FNIP2: variants seen among roughly 807,000 people sequenced by gnomAD.
FNIP2 encodes the protein folliculin interacting protein 2.
In FNIP2, 32 loss-of-function variants were observed where a neutral mutation model predicts 108.7. The ratio of observed to expected loss-of-function variants is 0.29; its 90% CI spans 0.22 to 0.40. The LOEUF is 0.40. FNIP2 is among the 10% of genes least tolerant of loss of function. The pLI is 1.00. For synonymous variants in FNIP2, 480 were observed against 496.7 expected (o/e 0.97, Z 0.45); for missense variants, 1,202 against 1,381.6 (o/e 0.87, Z 2.06).
At chr4:158,837,181 C>G (rs1452463495) in intron 7 of FNIP2, among the ~76,000 whole-genome samples, 1 of 152,160 alleles carries the variant, frequency 6.6e-6, no homozygotes, top group Non-Finnish European at 1.5e-5. Flanking sequence ...TACCAGAAGT[C>G]GCAGAGTGGG....
intron 8 of FNIP2, among the ~76,000 whole-genome samples, chr4:158,856,705 A>G (rs1444556516): frequency 2.0e-5 from 3 of 152,182 alleles, no homozygotes; most frequent in Non-Finnish European, 4.4e-5. Context: ...TAACTCCAGC[A>G]TTGTTACTAA....
intron 2 of FNIP2, among the ~76,000 whole-genome samples, chr4:158,828,232 T>A (rs1204199278): frequency 6.6e-6 from 1 of 152,198 alleles, no homozygotes. Context: ...TAGCTCCTGT[T>A]TCAGGGTTTT....
rs980667154 is a variant in FNIP2 at position 158,902,980 on chromosome 4, C to T, written c.3267-1486C>T. 2.0e-5 allele frequency among the ~76,000 whole-genome samples: 3 copies of T among 152,170 alleles called. No homozygotes were observed. The South Asian group carries it at 6.2e-4, about 31-fold the overall frequency. On this transcript the variant is annotated intron_variant, in intron 16 of 16. Coordinates refer to ENST00000264433, the MANE Select transcript of FNIP2 (RefSeq NM_020840.3). ...CGGCTCCCTGGCTTCAGCCCCCTTT[C>T]CAGGGGAGTGAACCGTTCTGTCTCG...
intron 1 of FNIP2, among the ~76,000 whole-genome samples, chr4:158,821,181 T>C (rs1379216469): frequency 6.6e-6 from 1 of 152,240 alleles, no homozygotes; most frequent in East Asian, 1.9e-4. Flanking sequence ...TCTGTATAAG[T>C]CATTTTGCTT....
chr4:158,882,341 A>G (rs1251388436), intron 14 of FNIP2, among the ~76,000 whole-genome samples: 2 of 150,456 alleles, frequency 1.3e-5, no homozygotes, highest in South Asian at 4.2e-4. Flanking sequence ...GGTGAGGGGC[A>G]GCCCCCGTCC....
chr4:158,870,610 G>C, intron 14 of FNIP2, 141 bp downstream of exon 14: 1 of 1,050,798 alleles, frequency 9.5e-7, no homozygotes, highest in Non-Finnish European at 1.3e-6. Flanking sequence ...GAACCAGCTA[G>C]GGCTAGTGAG....
At chr4:158,837,145 C>T (rs1022366403) in intron 7 of FNIP2, among the ~76,000 whole-genome samples, 7 of 152,156 alleles carry the variant, frequency 4.6e-5, no homozygotes, top group East Asian at 1.9e-4. Context: ...GGTTGACTTT[C>T]CTGGCAAGAA....
intron 1 of FNIP2, among the ~76,000 whole-genome samples, chr4:158,794,413 C>T (rs1426458017): frequency 7.2e-5 from 11 of 152,168 alleles, no homozygotes; most frequent in African/African-American, 1.2e-4. Flanking sequence ...AAGTGAGCCT[C>T]GGCCTCCCAA....
chr4:158,772,926 A>G (rs187776270), intron 1 of FNIP2, among the ~76,000 whole-genome samples: 58 of 152,322 alleles, frequency 3.8e-4, no homozygotes, highest in African/African-American at 1.4e-3. Flanking sequence ...ATAAGCACAG[A>G]ATTAAGAACT....
intron 8 of FNIP2, among the ~76,000 whole-genome samples, chr4:158,857,778 A>AC (rs1270190174): frequency 2.3e-5 from 1 of 44,210 alleles, no homozygotes; most frequent in East Asian, 8.8e-4. Context: ...CTCCATCTCT[A>AC]CCAAAAAAAA....
intron 14 of FNIP2, among the ~76,000 whole-genome samples, chr4:158,891,143 T>G (rs954572230): frequency 1.3e-5 from 2 of 152,172 alleles, no homozygotes; most frequent in Admixed American, 1.3e-4. Context: ...ATATGTGCAT[T>G]GGCTTTGAGG....
intron 1 of FNIP2, among the ~76,000 whole-genome samples, chr4:158,801,171 T>A (rs1266295357): frequency 6.7e-6 from 1 of 150,334 alleles, no homozygotes; most frequent in East Asian, 1.9e-4. Context: ...GGACTGGGAG[T>A]GGAGGGCAGA....
chr4:158,896,534 C>A (rs997734469), intron 16 of FNIP2, among the ~76,000 whole-genome samples: 2 of 152,252 alleles, frequency 1.3e-5, no homozygotes, highest in Non-Finnish European at 2.9e-5. Flanking sequence ...GATGATGATT[C>A]CCCTCACTTG....
At chr4:158,881,522 T>C (rs1781627900) in intron 14 of FNIP2, among the ~76,000 whole-genome samples, 1 of 152,082 alleles carries the variant, frequency 6.6e-6, no homozygotes, top group Non-Finnish European at 1.5e-5. Context: ...ACTGTACTGC[T>C]GCCATCTCCG....
chr4:158,892,476 T>TC (rs1782344028), intron 15 of FNIP2, among the ~76,000 whole-genome samples: 1 of 151,680 alleles, frequency 6.6e-6, no homozygotes, highest in African/African-American at 2.4e-5. Context: ...TATCAGTAGC[T>TC]CCCCCCAGCC....
chr4:158,815,685 C>T (rs541810503), intron 1 of FNIP2, among the ~76,000 whole-genome samples: 1 of 152,262 alleles, frequency 6.6e-6, no homozygotes, highest in Admixed American at 6.5e-5. Context: ...CTTTCTACTC[C>T]AGAGTCAACT....
Position 158,810,182 on chromosome 4 carries a change from G to A in FNIP2, c.108-15734G>A, listed in dbSNP as rs186462245. ...GCAGGTTTGTAGGAATGGAAAGAAT[G>A]TTTCTCACTGCTGCTCCTGGAAACA... On this transcript the variant is annotated intron_variant, in intron 1 of 16. Coordinates refer to ENST00000264433, the MANE Select transcript of FNIP2 (RefSeq NM_020840.3). Among the ~76,000 whole-genome samples the A allele has an allele frequency of 8.5e-5, 13 of 152,310 alleles. No homozygotes were observed. In the South Asian group the frequency reaches 2.1e-3, roughly 24 times the overall value.
chr4:158,846,677 G>T (rs764825399), intron 7 of FNIP2, among the ~76,000 whole-genome samples: 12 of 152,122 alleles, frequency 7.9e-5, no homozygotes, highest in African/African-American at 2.7e-4. Flanking sequence ...CAAAATACAG[G>T]TTAACAAGAG....
At chr4:158,793,290 A>G (rs1776480886) in intron 1 of FNIP2, among the ~76,000 whole-genome samples, 1 of 152,200 alleles carries the variant, frequency 6.6e-6, no homozygotes, top group South Asian at 2.1e-4. Flanking sequence ...GGAATCCTAA[A>G]TGTCCAGATG....
Sources: allele counts gnomAD v4.1 joint callset (sites outside exome capture counted in the v4.1 genomes callset), GRCh38; gene constraint gnomAD v4.1.1; transcripts MANE v1.5; gene names NCBI Gene and HGNC (gene_info 2026-07-23, HGNC 2026-07-21).